The following KCNU1 variants were observed in gnomAD, a reference collection of about 807,000 sequenced individuals.
The protein encoded by KCNU1 is potassium calcium-activated channel subfamily U member 1.
In KCNU1, 93 loss-of-function variants were observed where a neutral mutation model predicts 126.8. The observed-to-expected ratio is 0.73, with a 90% CI of 0.62 to 0.87. The LOEUF is 0.87. KCNU1 is among the 40% of genes least tolerant of loss of function. The pLI is 0.00. For synonymous variants in KCNU1, 523 were observed against 494.2 expected (o/e 1.06, Z -0.77); for missense variants, 1,330 against 1,367.1 (o/e 0.97, Z 0.43).
At chr8:36,789,830 T>C (rs1387345618) in intron 2 of KCNU1, among the ~76,000 whole-genome samples, 1 of 152,096 alleles carries the variant, frequency 6.6e-6, no homozygotes, top group African/African-American at 2.4e-5. Flanking sequence ...ATTGAGAGAA[T>C]AGAATTGCGG....
In KCNU1 at chr8:36,843,436, T is replaced by G. The variant is rs1407851610; in HGVS notation, c.1704-2144T>G. ...CACTGCTATAGACCTGTTACATATG[T>G]TAACTCTTGAATAATCCTCACAACA... On this transcript the variant is annotated intron_variant, in intron 16 of 26. Coordinates refer to ENST00000399881, the MANE Select transcript of KCNU1 (RefSeq NM_001031836.3). Among the ~76,000 whole-genome samples, 3 of 152,234 alleles carry G rather than the reference T, an allele frequency of 2.0e-5. No homozygotes were observed. In the East Asian group the frequency reaches 5.8e-4, roughly 29 times the overall value.
At chr8:36,849,083 A>G (rs1027807030) in intron 18 of KCNU1, among the ~76,000 whole-genome samples, 1 of 152,134 alleles carries the variant, frequency 6.6e-6, no homozygotes, top group African/African-American at 2.4e-5. Flanking sequence ...CCTCACCTCA[A>G]AAAGAAACCC....
Position 36,787,759 on chromosome 8 carries a change from A to G in KCNU1, c.315+334A>G, listed in dbSNP as rs376703030. Among the ~76,000 whole-genome samples, 40 of 147,892 alleles carry G rather than the reference A, an allele frequency of 2.7e-4. No individual in the cohort carries two copies. In the South Asian group the frequency reaches 7.5e-3, roughly 28 times the overall value. ...ATTATCCGTAATAATATGTAATTGTATAGAATATTATATAATTATTAGTAA... is the reference window on the plus strand; with the variant it reads ...ATTATCCGTAATAATATGTAATTGTGTAGAATATTATATAATTATTAGTAA... On this transcript the variant is annotated intron_variant, in intron 2 of 26. Coordinates refer to ENST00000399881, the MANE Select transcript of KCNU1 (RefSeq NM_001031836.3).
intron 23 of KCNU1, among the ~76,000 whole-genome samples, chr8:36,921,966 C>T (rs1808365906): frequency 6.6e-6 from 1 of 152,170 alleles, no homozygotes; most frequent in Non-Finnish European, 1.5e-5. Context: ...GAATCAGAAT[C>T]TGCATTGCAA....
At chr8:36,914,686 G>A (rs1808029181) in intron 22 of KCNU1, among the ~76,000 whole-genome samples, 1 of 152,088 alleles carries the variant, frequency 6.6e-6, no homozygotes, top group Non-Finnish European at 1.5e-5. Context: ...GAAATTTTAG[G>A]TTTTTCTGTA....
At chr8:36,895,003 A>C (rs891821020) in intron 19 of KCNU1, among the ~76,000 whole-genome samples, 4 of 152,120 alleles carry the variant, frequency 2.6e-5, no homozygotes, top group Non-Finnish European at 5.9e-5. Flanking sequence ...AGTTCCATAA[A>C]GTTTTGTAAG....
At chr8:36,797,113 G>A (rs528168623) in intron 2 of KCNU1, among the ~76,000 whole-genome samples, 22 of 152,174 alleles carry the variant, frequency 1.4e-4, no homozygotes, top group African/African-American at 4.3e-4. Flanking sequence ...TCAAACACTC[G>A]CGCCTCCACT....
Position 36,829,088 on chromosome 8 carries a change from T to G in KCNU1, c.1107-4466T>G, listed in dbSNP as rs141926384. 8.2e-4 allele frequency among the ~76,000 whole-genome samples: 125 copies of G among 152,228 alleles called. 1 individual carries two copies. Among genetic ancestry groups the G allele is most frequent in the Non-Finnish European group, 1.2e-3 (83 of 67,974 alleles). ...TCCGTGACATACTCATCCATGTGTT[T>G]TGCCTATTTATTTTTTTACTTAACT... is the stretch of plus-strand genomic sequence containing the variant. On this transcript the variant is annotated intron_variant, in intron 10 of 26. Transcript: ENST00000399881.
At chr8:36,821,498 GC>G (rs1804122913) in intron 10 of KCNU1, among the ~76,000 whole-genome samples, 1 of 152,098 alleles carries the variant, frequency 6.6e-6, no homozygotes, top group Non-Finnish European at 1.5e-5. Context: ...GTATTTAGGA[GC>G]CCCCATCCAG....
intron 2 of KCNU1, among the ~76,000 whole-genome samples, chr8:36,802,108 CAAAAAAAAAAAAAA>C (rs749026223): frequency 2.8e-5 from 2 of 72,356 alleles, no homozygotes; most frequent in Non-Finnish European, 5.5e-5. Context: ...AACTCCGTCT[CAAAAAAAAAAAAAA>C]AAAAAAAAAA....
intron 1 of KCNU1, among the ~76,000 whole-genome samples, chr8:36,786,963 T>C (rs1802730958): frequency 6.6e-6 from 1 of 152,146 alleles, no homozygotes; most frequent in Admixed American, 6.5e-5. Flanking sequence ...TGATGAAAAC[T>C]GCTACACTTA....
chr8:36,839,493 G>C (rs1209798375), intron 14 of KCNU1, among the ~76,000 whole-genome samples: 1 of 152,174 alleles, frequency 6.6e-6, no homozygotes, highest in Non-Finnish European at 1.5e-5. Flanking sequence ...TAAGAAAGTG[G>C]GAAAAGGGAA....
At position 36,905,777 on chromosome 8, in the gene KCNU1, A is replaced by G; in HGVS notation, c.2079A>G (p.Lys693=). The part of the protein sequence containing the change: ...LDSSGMFHWC[K]PTSLDKVTLK... Reference sequence around the variant, plus strand: ...GCAGTGGGATGTTTCACTGGTGCAAACCAACCTCTTTGGACAAGGTGACTC... The same window carrying G: ...GCAGTGGGATGTTTCACTGGTGCAAGCCAACCTCTTTGGACAAGGTGACTC... The change falls in exon 20 of 27, where the codon AAA becomes AAG. Residue 693 remains lysine (K), a synonymous_variant. Transcript: ENST00000399881. 3 of 1,589,550 alleles carry G rather than the reference A, an allele frequency of 1.9e-6. No individual in the cohort carries two copies. Among genetic ancestry groups the G allele is most frequent in the Non-Finnish European group, 2.6e-6 (3 of 1,164,666 alleles).
intron 2 of KCNU1, among the ~76,000 whole-genome samples, chr8:36,799,889 T>C (rs1803241857): frequency 6.6e-6 from 1 of 152,020 alleles, no homozygotes; most frequent in East Asian, 1.9e-4. Context: ...CTTGGTGGTT[T>C]TGGAGAATTC....
chr8:36,899,546 C>T lies in KCNU1; in HGVS notation c.2010-6162C>T, dbSNP rs367638632. ...TTTACAGATGTTTTTTAAATCATAC[C>T]TATTATCTCTACTATTAAAGTTTAT... On this transcript the variant is annotated intron_variant, in intron 19 of 26. Coordinates refer to ENST00000399881, the MANE Select transcript of KCNU1 (RefSeq NM_001031836.3). Among the ~76,000 whole-genome samples, 34 of 152,068 alleles carry T rather than the reference C, an allele frequency of 2.2e-4. 1 individual carries two copies. The highest frequency in any genetic ancestry group is 7.5e-4 in the African/African-American group (31 of 41,512).
At chr8:36,870,025 C>G (rs1199762014) in intron 19 of KCNU1, among the ~76,000 whole-genome samples, 1 of 152,140 alleles carries the variant, frequency 6.6e-6, no homozygotes, top group Non-Finnish European at 1.5e-5. Flanking sequence ...TTGGTAAGGT[C>G]ACTTTGCCAT....
At chr8:36,933,699 G>A (rs558495553) in intron 26 of KCNU1, among the ~76,000 whole-genome samples, 102 of 152,232 alleles carry the variant, frequency 6.7e-4, no homozygotes, top group African/African-American at 2.2e-3. Flanking sequence ...CTTGTTCCAG[G>A]AGAAAGGAGA....
Position 36,846,339 on chromosome 8 carries a change from G to A in KCNU1, c.1891+440G>A, listed in dbSNP as rs188617188. Among the ~76,000 whole-genome samples the A allele has an allele frequency of 5.3e-4, 80 of 152,276 alleles. 1 individual carries two copies. Among genetic ancestry groups the A allele is most frequent in the Middle Eastern group, 6.8e-3 (2 of 294 alleles). ...ACCTTAAGTACTCTGTTTCCTTAAT[G>A]GATAGCAAGAAGTTTAAAGTTTACT... On this transcript the variant is annotated intron_variant, in intron 18 of 26. Transcript: ENST00000399881.
intron 19 of KCNU1, among the ~76,000 whole-genome samples, chr8:36,865,773 C>CAAAAAAAAAA (rs538090899): frequency 1.6e-5 from 1 of 61,384 alleles, no homozygotes; most frequent in Non-Finnish European, 2.7e-5. Flanking sequence ...AAGAGCTTGT[C>CAAAAAAAAAA]AAAAAAAAAA....
Sources: gnomAD v4.1 joint callset for allele counts (sites outside exome capture counted in the v4.1 genomes callset) on GRCh38, gnomAD v4.1.1 for gene constraint, MANE v1.5 for transcripts, NCBI Gene and HGNC (gene_info 2026-07-23, HGNC 2026-07-21) for gene names.